The following CPN1 variants were observed in gnomAD, a reference collection of about 807,000 sequenced individuals.
CPN1 encodes the protein carboxypeptidase N subunit 1.
A neutral mutation model predicts 46.4 loss-of-function variants in CPN1; 37 were observed. The ratio of observed to expected loss-of-function variants is 0.80; its 90% CI spans 0.61 to 1.05. The LOEUF is 1.05. Among genes scored for constraint, CPN1 ranks in the 50% least tolerant of loss-of-function variants. The pLI is 0.00. For missense variants in CPN1, 563 were observed against 602.6 expected, an observed-to-expected ratio of 0.93 and a Z score of 0.69; for synonymous variants, 224 against 235.4, an observed-to-expected ratio of 0.95 and a Z score of 0.44.
chr10:100,062,332 C>T (rs1405522003), intron 5 of CPN1, among the ~76,000 whole-genome samples: 1 of 152,146 alleles, frequency 6.6e-6, no homozygotes, highest in Non-Finnish European at 1.5e-5. Context: ...GAGGTTTCTG[C>T]TCTTGAAGGT....
In CPN1 at chr10:100,054,334, A is replaced by T; in HGVS notation, c.1111+13T>A. On this transcript the variant is annotated intron_variant, in intron 7 of 8. Coordinates refer to ENST00000370418, the MANE Select transcript of CPN1 (RefSeq NM_001308.3). ...TAACGCTTCCTTCTTACCCCTAAGC[A>T]GTGACCACCTACCTGAAGTGACATC... 1 of 1,604,188 alleles carries T rather than the reference A, an allele frequency of 6.2e-7. No homozygotes were observed. The highest frequency in any genetic ancestry group is 1.1e-5 in the South Asian group (1 of 90,906).
chr10:100,072,637 T>A (rs1337218698), intron 2 of CPN1, among the ~76,000 whole-genome samples: 1 of 152,238 alleles, frequency 6.6e-6, no homozygotes, highest in Non-Finnish European at 1.5e-5. Context: ...TTTTATCATT[T>A]ATTTGCTCAT....
At chr10:100,052,743 G>A (rs564022922) in intron 7 of CPN1, among the ~76,000 whole-genome samples, 45 of 152,228 alleles carry the variant, frequency 3.0e-4, no homozygotes, top group African/African-American at 1.1e-3. Context: ...AGCTGAGCAT[G>A]GTGGTATGCA....
intron 4 of CPN1, 71 bp downstream of exon 4, chr10:100,065,117 G>C: frequency 6.5e-7 from 1 of 1,546,994 alleles, no homozygotes. Context: ...AAAGGGTTCT[G>C]TGTTACTGAC....
At chr10:100,067,969 T>C (rs1438339090) in intron 3 of CPN1, among the ~76,000 whole-genome samples, 1 of 151,368 alleles carries the variant, frequency 6.6e-6, no homozygotes, top group Non-Finnish European at 1.5e-5. Flanking sequence ...CTGACCAACA[T>C]GGTAAAACCC....
At chr10:100,047,061 G>A (rs545855510) in intron 8 of CPN1, among the ~76,000 whole-genome samples, 3 of 150,960 alleles carry the variant, frequency 2.0e-5, no homozygotes, top group East Asian at 2.0e-4. Flanking sequence ...GTGGCAGAGC[G>A]AGACTCTGTC....
chr10:100,072,049 A>G (rs1389576671), intron 2 of CPN1, among the ~76,000 whole-genome samples: 2 of 152,184 alleles, frequency 1.3e-5, no homozygotes, highest in Non-Finnish European at 1.5e-5. Context: ...ATTGTTAATA[A>G]TGCTGCTTTG....
Position 100,057,106 on chromosome 10 carries a change from C to T in CPN1, c.918G>A (p.Thr306=), listed in dbSNP as rs3750716. Residue 306 remains threonine, a synonymous_variant, in exon 6 of 9, where the codon ACG becomes ACA. Coordinates refer to ENST00000370418, the MANE Select transcript of CPN1 (RefSeq NM_001308.3). The part of the protein sequence containing the change: ...NYLHTNCFEI[T]LELSCDKFPP... The stretch of plus-strand genomic sequence containing the variant: ...GAAACTTGTCGCAACTCAGTTCCAG[C>T]GTGATCTCAAAGCAGTTGGTATGGA... The T allele has an allele frequency of 1.6e-3, 2,651 of 1,614,142 alleles. 39 individuals are homozygous for T. In the Admixed American group the frequency reaches 0.03, roughly 18 times the overall value.
intron 7 of CPN1, among the ~76,000 whole-genome samples, chr10:100,051,310 C>A (rs2133428237): frequency 6.6e-6 from 1 of 152,202 alleles, no homozygotes; most frequent in South Asian, 2.1e-4. Context: ...CAGCAAAGTA[C>A]ATGTGTTGGA....
At chr10:100,065,766 T>C (rs1421804002) in intron 3 of CPN1, among the ~76,000 whole-genome samples, 4 of 150,772 alleles carry the variant, frequency 2.7e-5, no homozygotes, top group Admixed American at 2.6e-4. Context: ...CATGGTGAGT[T>C]AAGGTAGGTT....
chr10:100,044,839 G>T (rs9733823), intron 8 of CPN1, among the ~76,000 whole-genome samples: 64,375 of 151,728 alleles, frequency 0.42, 14,397 homozygotes, highest in African/African-American at 0.53. Context: ...GCCTCCCAAG[G>T]AGCTGGGATT....
intron 2 of CPN1, among the ~76,000 whole-genome samples, 175 bp downstream of exon 2, chr10:100,075,736 A>T (rs1302032198): frequency 9.9e-5 from 15 of 152,128 alleles, no homozygotes. Flanking sequence ...GTAGGACTGA[A>T]CCCACCTCTT....
intron 5 of CPN1, among the ~76,000 whole-genome samples, chr10:100,060,520 A>G (rs2041410605): frequency 6.6e-6 from 1 of 152,214 alleles, no homozygotes; most frequent in Non-Finnish European, 1.5e-5. Flanking sequence ...AGATGGAGCC[A>G]CTGCACTCCA....
intron 7 of CPN1, 112 bp downstream of exon 7, chr10:100,054,235 C>T (rs2041372331): frequency 2.4e-6 from 2 of 823,896 alleles, no homozygotes; most frequent in African/African-American, 1.7e-5. Context: ...CCACTCCCAG[C>T]ATCCTTGACA....
chr10:100,080,571 G>A (rs905800564), intron 1 of CPN1, among the ~76,000 whole-genome samples: 2 of 152,050 alleles, frequency 1.3e-5, no homozygotes, highest in African/African-American at 4.8e-5. Flanking sequence ...ATCCAAACAT[G>A]GATTGCTTTT....
intron 6 of CPN1, among the ~76,000 whole-genome samples, chr10:100,055,735 G>T (rs1381701351): frequency 6.6e-6 from 1 of 152,100 alleles, no homozygotes; most frequent in East Asian, 1.9e-4. Context: ...TGTTGGTCAG[G>T]CTGGTCTCAA....
In CPN1 at chr10:100,057,099, G is replaced by C; in HGVS notation, c.925C>G (p.Leu309Val). Residue 309 changes from leucine to valine, a missense_variant, in exon 6 of 9, where the codon CTG (leucine) becomes GTG (valine). Coordinates refer to ENST00000370418, the MANE Select transcript of CPN1 (RefSeq NM_001308.3). The stretch of plus-strand genomic sequence containing the variant: ...TCGGGGGGAAACTTGTCGCAACTCA[G>C]TTCCAGCGTGATCTCAAAGCAGTTG... ...HTNCFEITLE[L>V]SCDKFPPEEE... 6.2e-7 allele frequency: 1 copy of C among 1,614,192 alleles called. No homozygotes were observed.
At chr10:100,055,892 T>G (rs762923062) in intron 6 of CPN1, among the ~76,000 whole-genome samples, 1 of 152,268 alleles carries the variant, frequency 6.6e-6, no homozygotes, top group Non-Finnish European at 1.5e-5. Context: ...GTTTATACAG[T>G]CATCCACCAA....
intron 2 of CPN1, among the ~76,000 whole-genome samples, chr10:100,071,224 G>A (rs74152967): frequency 0.12 from 17,589 of 152,182 alleles, 1,757 homozygotes; most frequent in African/African-American, 0.28. Context: ...AGGAAACTGT[G>A]TTAGTTTCCT....
Sources: gnomAD v4.1 joint callset for allele counts (sites outside exome capture counted in the v4.1 genomes callset) on GRCh38, gnomAD v4.1.1 for gene constraint, MANE v1.5 for transcripts, NCBI Gene and HGNC (gene_info 2026-07-23, HGNC 2026-07-21) for gene names.